Variants in SDK1 observed in about 807,000 individuals in gnomAD.
The protein encoded by SDK1 is sidekick cell adhesion molecule 1, also known as protein sidekick-1.
SDK1 carries 157 observed loss-of-function variants against 245.5 expected under a neutral mutation model. The ratio of observed to expected loss-of-function variants is 0.64; its 90% CI spans 0.56 to 0.73. The LOEUF is 0.73. SDK1 is among the 30% of genes least tolerant of loss of function. The pLI is 0.00. For synonymous variants in SDK1, 1,647 were observed against 1,278.5 expected (o/e 1.29, Z -6.15); for missense variants, 3,583 against 3,002.3 (o/e 1.19, Z -4.52).
At chr7:3,377,890 T>G (rs1049437282) in intron 1 of SDK1, among the ~76,000 whole-genome samples, 1 of 152,158 alleles carries the variant, frequency 6.6e-6, no homozygotes, top group Non-Finnish European at 1.5e-5. Flanking sequence ...GCAATTCTCC[T>G]GCGTCAGCCT....
At position 3,696,921 on chromosome 7, in the gene SDK1, AC is replaced by A. The variant is rs903469156; in HGVS notation, c.713+54817del. On this transcript the variant is annotated intron_variant, in intron 4 of 44. Transcript: ENST00000404826. ...CATAGAAGTTCCTTTAAAAAAAAAAACTCATAAGTAATACGGTTTATGGAAA... is the reference window on the plus strand; with the variant it reads ...CATAGAAGTTCCTTTAAAAAAAAAAATCATAAGTAATACGGTTTATGGAAA... 7.0e-4 allele frequency among the ~76,000 whole-genome samples: 106 copies of A among 151,998 alleles called. 1 individual carries two copies. Among genetic ancestry groups the A allele is most frequent in the African/African-American group, 2.1e-3 (88 of 41,400 alleles).
chr7:3,473,239 C>T (rs1044120105), intron 1 of SDK1, among the ~76,000 whole-genome samples: 1 of 152,140 alleles, frequency 6.6e-6, no homozygotes, highest in African/African-American at 2.4e-5. Flanking sequence ...TTTCCTACTC[C>T]AAGCCTTTCA....
chr7:3,374,093 A>G (rs184602939), intron 1 of SDK1, among the ~76,000 whole-genome samples: 1 of 152,112 alleles, frequency 6.6e-6, no homozygotes, highest in African/African-American at 2.4e-5. Flanking sequence ...TTAACTTGAC[A>G]CTCTGATATC....
chr7:3,912,970 C>G (rs369379387), intron 5 of SDK1, among the ~76,000 whole-genome samples: 1 of 152,260 alleles, frequency 6.6e-6, no homozygotes, highest in Non-Finnish European at 1.5e-5. Flanking sequence ...GGGCCGAAGG[C>G]AAGCAAGATG....
chr7:3,465,553 C>G (rs1780972367), intron 1 of SDK1, among the ~76,000 whole-genome samples: 1 of 152,122 alleles, frequency 6.6e-6, no homozygotes, highest in African/African-American at 2.4e-5. Flanking sequence ...TTGCACTGCT[C>G]TCATTGCTAG....
In SDK1 at chr7:4,051,675, C is replaced by T; in HGVS notation, c.2756C>T (p.Thr919Ile). The change falls in exon 19 of 45, where the codon ACT becomes ATT. Residue 919 changes from threonine (T) to isoleucine (I), a missense_variant. Physicochemically the swap from Thr to Ile is moderately conservative, Grantham distance 89. Transcript: ENST00000404826. ...AWPADAPEAV[T>I]VVTIAPDFHG... is the part of the protein sequence containing the mutation. ...CCGGCAGATGCCCCCGAGGCTGTCA[C>T]TGTGGTCACTATTGCCCCAGATTTC... 2 of 1,613,266 alleles carry T rather than the reference C, an allele frequency of 1.2e-6. No individual in the cohort carries two copies. The highest frequency in any genetic ancestry group is 1.7e-6 in the Non-Finnish European group (2 of 1,179,634).
At chr7:4,054,631 G>T (rs371617482) in intron 19 of SDK1, among the ~76,000 whole-genome samples, 255 of 152,242 alleles carry the variant, frequency 1.7e-3, no homozygotes, top group African/African-American at 5.9e-3. Context: ...TTTCTTGCAT[G>T]ATTTGCAGTG....
intron 13 of SDK1, among the ~76,000 whole-genome samples, chr7:3,979,169 C>T (rs1338502964): frequency 6.6e-6 from 1 of 152,184 alleles, no homozygotes; most frequent in African/African-American, 2.4e-5. Context: ...TCAGCTTCTG[C>T]CTCTCACCTT....
intron 1 of SDK1, among the ~76,000 whole-genome samples, chr7:3,492,489 G>C (rs533720990): frequency 6.6e-6 from 1 of 152,190 alleles, no homozygotes; most frequent in Non-Finnish European, 1.5e-5. Flanking sequence ...GCGAGACTCC[G>C]TCTCAAAAAA....
At chr7:3,760,130 A>G (rs1780051488) in intron 4 of SDK1, among the ~76,000 whole-genome samples, 1 of 152,246 alleles carries the variant, frequency 6.6e-6, no homozygotes, top group Admixed American at 6.5e-5. Flanking sequence ...TCCTCCATAA[A>G]TAAAGAGATG....
rs928798620 is a variant in SDK1, at chr7:4,245,607, G to A, written c.6252-69G>A. The A allele has an allele frequency of 3.8e-6, 6 of 1,576,990 alleles. No homozygotes were observed. The African/African-American group carries it at 8.1e-5, about 21-fold the overall frequency. ...CCAACGCAATAAAGGCCAAATGCCA[G>A]GTTAGGAGTCCTCCGGGGAAGGGCG... On this transcript the variant is annotated intron_variant, in intron 43 of 44. Transcript: ENST00000404826.
chr7:3,644,291 A>T (rs11976762), intron 4 of SDK1, among the ~76,000 whole-genome samples: 3 of 150,288 alleles, frequency 2.0e-5, no homozygotes, highest in African/African-American at 7.3e-5. Flanking sequence ...TTAAAATTCT[A>T]GTAAAAATAC....
intron 1 of SDK1, among the ~76,000 whole-genome samples, chr7:3,573,267 G>C (rs946637065): frequency 2.6e-5 from 4 of 152,144 alleles, no homozygotes; most frequent in Non-Finnish European, 5.9e-5. Context: ...ACGATGGCTG[G>C]AGCTGAGCAA....
intron 1 of SDK1, among the ~76,000 whole-genome samples, chr7:3,598,004 A>ACAAT (rs1781122949): frequency 6.6e-6 from 1 of 152,132 alleles, no homozygotes; most frequent in African/African-American, 2.4e-5. Flanking sequence ...TTTATGATAA[A>ACAAT]TTGTAAAGCC....
At chr7:4,224,367 A>G (rs566606955) in intron 40 of SDK1, among the ~76,000 whole-genome samples, 1 of 152,348 alleles carries the variant, frequency 6.6e-6, no homozygotes, top group South Asian at 2.1e-4. Flanking sequence ...GGCACGCCAC[A>G]TGGCTGGGGC....
intron 28 of SDK1, among the ~76,000 whole-genome samples, chr7:4,143,354 G>A (rs1221917387): frequency 6.6e-6 from 1 of 152,168 alleles, no homozygotes; most frequent in African/African-American, 2.4e-5. Context: ...GGAGGGAGGA[G>A]AAGTCGTGAC....
At chr7:3,662,211 C>T (rs1243785547) in intron 4 of SDK1, among the ~76,000 whole-genome samples, 1 of 152,112 alleles carries the variant, frequency 6.6e-6, no homozygotes, top group Non-Finnish European at 1.5e-5. Context: ...TAAAATGGAA[C>T]TGATGGATCA....
chr7:3,507,052 TG>T (rs1782416987), intron 1 of SDK1, among the ~76,000 whole-genome samples: 1 of 152,158 alleles, frequency 6.6e-6, no homozygotes, highest in African/African-American at 2.4e-5. Flanking sequence ...GAGTTTTGTT[TG>T]GTGGGTGAAC....
intron 1 of SDK1, among the ~76,000 whole-genome samples, chr7:3,492,026 C>G (rs1020823432): frequency 1.3e-5 from 2 of 152,196 alleles, no homozygotes; most frequent in Non-Finnish European, 2.9e-5. Flanking sequence ...ACATTGACTT[C>G]CTGTTGGTTT....
Sources: allele counts gnomAD v4.1 joint callset (sites outside exome capture counted in the v4.1 genomes callset), GRCh38; gene constraint gnomAD v4.1.1; transcripts MANE v1.5; gene names NCBI Gene and HGNC (gene_info 2026-07-23, HGNC 2026-07-21).